Variants in ZMAT4 observed in about 807,000 individuals in gnomAD.
The protein encoded by ZMAT4 is zinc finger matrin-type 4.
Under a neutral mutation model 28.7 loss-of-function variants are expected in ZMAT4, and 17 were observed. The observed-to-expected ratio is 0.59, with a 90% CI of 0.41 to 0.89. The LOEUF (loss-of-function observed/expected upper bound fraction) is 0.89. ZMAT4 is among the 40% of genes least tolerant of loss of function. The pLI is 0.00. For synonymous variants in ZMAT4, 117 were observed against 109.2 expected, an observed-to-expected ratio of 1.07 and a Z score of -0.44; for missense variants, 240 against 283.8, an observed-to-expected ratio of 0.85 and a Z score of 1.11.
intron 1 of ZMAT4, among the ~76,000 whole-genome samples, chr8:40,836,997 A>C (rs1029087737): frequency 1.3e-5 from 2 of 152,256 alleles, no homozygotes; most frequent in Admixed American, 6.5e-5. Context: ...TACATAGACA[A>C]ATAATGGCTG....
At chr8:40,568,550 G>A (rs924300325) in intron 6 of ZMAT4, among the ~76,000 whole-genome samples, 1 of 152,136 alleles carries the variant, frequency 6.6e-6, no homozygotes, top group African/African-American at 2.4e-5. Flanking sequence ...TGGGATAGAA[G>A]TATTGAGGGT....
At chr8:40,701,386 C>A (rs1168942491) in intron 3 of ZMAT4, among the ~76,000 whole-genome samples, 1 of 151,982 alleles carries the variant, frequency 6.6e-6, no homozygotes, top group Non-Finnish European at 1.5e-5. Flanking sequence ...GCCTTTCATG[C>A]CAACAGTACA....
rs184346596 is a variant in ZMAT4, at chr8:40,834,252, G to A, written c.-4-8572C>T. 6.6e-4 allele frequency among the ~76,000 whole-genome samples: 100 copies of A among 152,146 alleles called. 1 individual carries two copies. The highest frequency in any genetic ancestry group is 2.0e-3 in the Admixed American group (30 of 15,304). The stretch of plus-strand genomic sequence containing the variant: ...CAAAGGCAGCCCCAGCCTGCAGGGC[G>A]GTTCTCTGGTCCAACCTCCAAGGGC... On this transcript the variant is annotated intron_variant, in intron 1 of 6. Transcript: ENST00000297737.
intron 2 of ZMAT4, among the ~76,000 whole-genome samples, chr8:40,777,243 A>G (rs1029408791): frequency 6.6e-6 from 1 of 152,212 alleles, no homozygotes; most frequent in Admixed American, 6.5e-5. Context: ...ACAAAAATAA[A>G]CAAATTTTTA....
At chr8:40,583,026 C>T (rs977720375) in intron 5 of ZMAT4, among the ~76,000 whole-genome samples, 3 of 152,114 alleles carry the variant, frequency 2.0e-5, no homozygotes, top group African/African-American at 7.2e-5. Context: ...GAAGAAGAGA[C>T]TGAAGAAGAA....
At chr8:40,593,503 G>C (rs529183198) in intron 5 of ZMAT4, among the ~76,000 whole-genome samples, 1 of 152,252 alleles carries the variant, frequency 6.6e-6, no homozygotes, top group Non-Finnish European at 1.5e-5. Flanking sequence ...TGATTTCCCT[G>C]AGTAAGCATC....
At chr8:40,603,450 A>G (rs1805467400) in intron 5 of ZMAT4, among the ~76,000 whole-genome samples, 1 of 152,130 alleles carries the variant, frequency 6.6e-6, no homozygotes, top group Non-Finnish European at 1.5e-5. Context: ...TGCTTTTTCC[A>G]GTTCTGTGAA....
intron 5 of ZMAT4, among the ~76,000 whole-genome samples, chr8:40,582,773 G>A (rs1181343611): frequency 6.6e-6 from 1 of 152,184 alleles, no homozygotes; most frequent in African/African-American, 2.4e-5. Flanking sequence ...GTGAGATCTG[G>A]CATGTATGTG....
intron 5 of ZMAT4, among the ~76,000 whole-genome samples, chr8:40,595,292 C>A (rs1223740303): frequency 6.6e-6 from 1 of 152,234 alleles, no homozygotes; most frequent in Non-Finnish European, 1.5e-5. Flanking sequence ...TCCCAGTAGA[C>A]TCTGATGCAC....
At chr8:40,539,877 C>T (rs1243986427) in intron 6 of ZMAT4, among the ~76,000 whole-genome samples, 1 of 152,142 alleles carries the variant, frequency 6.6e-6, no homozygotes, top group African/African-American at 2.4e-5. Flanking sequence ...AATGAGGTGA[C>T]TCATAGTGAG....
intron 1 of ZMAT4, among the ~76,000 whole-genome samples, chr8:40,862,840 G>A (rs530126329): frequency 2.0e-5 from 3 of 151,588 alleles, no homozygotes; most frequent in Admixed American, 6.6e-5. Flanking sequence ...GGGAGGGGGA[G>A]GGCTAGCATT....
chr8:40,760,727 TCTCTCTCTGTCATG>T (rs1033437312), intron 3 of ZMAT4, among the ~76,000 whole-genome samples: 3 of 151,406 alleles, frequency 2.0e-5, no homozygotes, highest in Admixed American at 2.0e-4. Context: ...TCTCTCTCTC[TCTCTCTCTGTCATG>T]CTCTCTCTCT....
chr8:40,604,742 G>T (rs764398064), intron 5 of ZMAT4, among the ~76,000 whole-genome samples: 1 of 152,100 alleles, frequency 6.6e-6, no homozygotes, highest in African/African-American at 2.4e-5. Context: ...CTCATAGAAC[G>T]ATTTAGAAAG....
At chr8:40,566,695 T>C (rs758814594) in intron 6 of ZMAT4, among the ~76,000 whole-genome samples, 5 of 152,150 alleles carry the variant, frequency 3.3e-5, no homozygotes, top group Non-Finnish European at 7.4e-5. Flanking sequence ...ATAGGAATTA[T>C]ACTGACCAAA....
intron 5 of ZMAT4, among the ~76,000 whole-genome samples, chr8:40,596,583 C>G (rs900527500): frequency 6.6e-6 from 1 of 152,162 alleles, no homozygotes; most frequent in Non-Finnish European, 1.5e-5. Context: ...CAGGACATCA[C>G]TAGGTGACAG....
chr8:40,865,428 T>A lies in ZMAT4; in HGVS notation c.-5+32255A>T, dbSNP rs142522757. On this transcript the variant is annotated intron_variant, in intron 1 of 6. Coordinates refer to ENST00000297737, the MANE Select transcript of ZMAT4 (RefSeq NM_024645.3). ...GCAGATCTGGGCCATGGAGAGGAGTTGGAAATGACCAATGGCAGAGGGATC... is the reference window on the plus strand; with the variant it reads ...GCAGATCTGGGCCATGGAGAGGAGTAGGAAATGACCAATGGCAGAGGGATC... 4.9e-3 allele frequency among the ~76,000 whole-genome samples: 747 copies of A among 152,264 alleles called. 2 individuals carry two copies. Among genetic ancestry groups the A allele is most frequent in the Non-Finnish European group, 6.7e-3 (456 of 68,022 alleles).
intron 1 of ZMAT4, among the ~76,000 whole-genome samples, chr8:40,870,555 GAATT>G (rs1475051456): frequency 6.6e-6 from 1 of 152,174 alleles, no homozygotes; most frequent in African/African-American, 2.4e-5. Flanking sequence ...CCCTAGAAGT[GAATT>G]ATTTATTCCA....
intron 2 of ZMAT4, among the ~76,000 whole-genome samples, chr8:40,806,516 C>T (rs1228957972): frequency 6.6e-6 from 1 of 152,126 alleles, no homozygotes; most frequent in Non-Finnish European, 1.5e-5. Flanking sequence ...TACGAAACAA[C>T]CACATTTCGT....
intron 5 of ZMAT4, among the ~76,000 whole-genome samples, chr8:40,607,265 C>G (rs955337929): frequency 6.6e-6 from 1 of 151,786 alleles, no homozygotes; most frequent in East Asian, 2.0e-4. Flanking sequence ...GCTGGGACTA[C>G]AGGTGCCCGC....
Sources: gnomAD v4.1 joint callset for allele counts (sites outside exome capture counted in the v4.1 genomes callset) on GRCh38, gnomAD v4.1.1 for gene constraint, MANE v1.5 for transcripts, NCBI Gene and HGNC (gene_info 2026-07-23, HGNC 2026-07-21) for gene names.